SORCS1: variants seen among roughly 807,000 people sequenced by gnomAD.
SORCS1 encodes VPS10 domain-containing receptor SorCS1.
In SORCS1, 60 loss-of-function variants were observed where a neutral mutation model predicts 146.1. That is an observed-to-expected ratio of 0.41 (90% CI 0.33 to 0.51). The LOEUF (loss-of-function observed/expected upper bound fraction) is 0.51. Ranked by LOEUF, SORCS1 falls within the 20% of genes least tolerant of loss-of-function variation. The pLI is 0.21. For missense variants in SORCS1, 1,352 were observed against 1,487.6 expected, an observed-to-expected ratio of 0.91 and a Z score of 1.50; for synonymous variants, 637 against 584.0, an observed-to-expected ratio of 1.09 and a Z score of -1.31.
At chr10:107,166,951 A>T (rs1292600992), upstream of SORCS1, among the ~76,000 whole-genome samples, 1 of 152,252 alleles carries the variant, frequency 6.6e-6, no homozygotes, top group Non-Finnish European at 1.5e-5. Flanking sequence ...GAATGCTCGT[A>T]CAAGTAGAGT....
intron 1 of SORCS1, among the ~76,000 whole-genome samples, chr10:107,001,346 G>A (rs1018575938): frequency 1.2e-4 from 19 of 152,124 alleles, no homozygotes; most frequent in African/African-American, 4.1e-4. Flanking sequence ...GGAAATGTAG[G>A]ATGAGGCACG....
chr10:106,881,260 T>G (rs1038522509), intron 2 of SORCS1, among the ~76,000 whole-genome samples: 1 of 152,176 alleles, frequency 6.6e-6, no homozygotes, highest in East Asian at 1.9e-4. Flanking sequence ...ATTTTCTCCA[T>G]CTTTTTAAGT....
intron 2 of SORCS1, among the ~76,000 whole-genome samples, chr10:106,910,093 T>C (rs2138216423): frequency 6.6e-6 from 1 of 152,330 alleles, no homozygotes; most frequent in South Asian, 2.1e-4. Flanking sequence ...AGCAATTCTA[T>C]TCTCTGTGGC....
chr10:106,751,702 T>A (rs952809902), intron 5 of SORCS1, among the ~76,000 whole-genome samples: 5 of 152,188 alleles, frequency 3.3e-5, no homozygotes, highest in African/African-American at 1.2e-4. Context: ...TAGAGGGAAA[T>A]ACAGAGGTTA....
At chr10:107,169,147 G>T (rs1465457366), upstream of SORCS1, among the ~76,000 whole-genome samples, 2 of 152,008 alleles carry the variant, frequency 1.3e-5, no homozygotes, top group African/African-American at 4.8e-5. Context: ...GATTTTTGAT[G>T]GCTACTTTGG....
intron 2 of SORCS1, among the ~76,000 whole-genome samples, chr10:106,917,832 C>A (rs1952518753): frequency 6.6e-6 from 1 of 152,172 alleles, no homozygotes; most frequent in Non-Finnish European, 1.5e-5. Flanking sequence ...AGCCAAGGTA[C>A]AGAACAAATA....
Position 106,868,532 on chromosome 10 carries a change from A to C in SORCS1, c.627-38859T>G, listed in dbSNP as rs192266554. ...CACAGTGCAATAAATGTAGAAGACTAAAAAAATTGCTCAAAACCATGAAAT... is the reference window on the plus strand; with the variant it reads ...CACAGTGCAATAAATGTAGAAGACTCAAAAAATTGCTCAAAACCATGAAAT... On this transcript the variant is annotated intron_variant, in intron 2 of 25. Transcript: ENST00000263054. Among the ~76,000 whole-genome samples the C allele has an allele frequency of 8.5e-5, 13 of 152,178 alleles. No homozygotes were observed. In the East Asian group the frequency reaches 2.5e-3, roughly 29 times the overall value.
At chr10:106,664,656 A>G (rs1205570251) in intron 17 of SORCS1, among the ~76,000 whole-genome samples, 5 of 152,122 alleles carry the variant, frequency 3.3e-5, no homozygotes, top group Admixed American at 3.3e-4. Flanking sequence ...ACAAAGAGGA[A>G]AAAAAAGATC....
intron 2 of SORCS1, among the ~76,000 whole-genome samples, chr10:106,884,275 G>A (rs1194344559): frequency 1.3e-5 from 2 of 152,034 alleles, no homozygotes; most frequent in Non-Finnish European, 2.9e-5. Context: ...GCCTATTGTG[G>A]AAAAAACAAC....
intron 1 of SORCS1, among the ~76,000 whole-genome samples, chr10:107,141,588 T>C (rs1284071512): frequency 1.3e-5 from 2 of 151,544 alleles, no homozygotes; most frequent in Non-Finnish European, 2.9e-5. Flanking sequence ...CTGTTCCTAG[T>C]CTGTGTGTAT....
the SORCS1 span, among the ~76,000 whole-genome samples, chr10:107,177,471 C>T: frequency 6.6e-6 from 1 of 152,050 alleles, no homozygotes; most frequent in Non-Finnish European, 1.5e-5. Context: ...TTATGCTGTC[C>T]TTTAAAATAT....
chr10:106,805,353 T>C (rs537078658), intron 3 of SORCS1, among the ~76,000 whole-genome samples: 1 of 152,306 alleles, frequency 6.6e-6, no homozygotes, highest in East Asian at 1.9e-4. Flanking sequence ...AGGCTTGGAA[T>C]CTATTACCTT....
At chr10:106,994,063 CAAAAAAAAAAAAA>C (rs67408221) in intron 1 of SORCS1, among the ~76,000 whole-genome samples, 1 of 80,848 alleles carries the variant, frequency 1.2e-5, no homozygotes, top group Non-Finnish European at 2.3e-5. Context: ...GACCCCATCT[CAAAAAAAAAAAAA>C]AAAAAAAAAA....
intron 3 of SORCS1, among the ~76,000 whole-genome samples, chr10:106,795,110 A>T (rs571864299): frequency 6.6e-6 from 1 of 152,348 alleles, no homozygotes; most frequent in Non-Finnish European, 1.5e-5. Context: ...TCTAAGTGAA[A>T]TTAAAAGTTC....
At chr10:106,727,085 CAAAAAAA>C (rs1255567074) in intron 6 of SORCS1, among the ~76,000 whole-genome samples, 1 of 101,718 alleles carries the variant, frequency 9.8e-6, no homozygotes, top group Non-Finnish European at 2.1e-5. Context: ...GACTCTGTCT[CAAAAAAA>C]AAAAAAAAGA....
intron 24 of SORCS1, among the ~76,000 whole-genome samples, chr10:106,590,736 C>A (rs927341199): frequency 4.6e-5 from 7 of 152,168 alleles, no homozygotes; most frequent in Non-Finnish European, 1.0e-4. Flanking sequence ...CTCACTGCAA[C>A]CTCTGCCTTC....
At chr10:106,945,775 A>C (rs566864296) in intron 2 of SORCS1, among the ~76,000 whole-genome samples, 1 of 152,178 alleles carries the variant, frequency 6.6e-6, no homozygotes, top group Non-Finnish European at 1.5e-5. Flanking sequence ...AAAGTGGGGA[A>C]CTCAGCAGGG....
At chr10:106,990,045 T>C (rs1956702070) in intron 1 of SORCS1, among the ~76,000 whole-genome samples, 1 of 152,150 alleles carries the variant, frequency 6.6e-6, no homozygotes, top group African/African-American at 2.4e-5. Context: ...AGGTCATTTA[T>C]TGAACAGGTG....
intron 2 of SORCS1, among the ~76,000 whole-genome samples, chr10:106,912,029 C>T (rs182702030): frequency 6.6e-4 from 100 of 150,844 alleles, no homozygotes; most frequent in African/African-American, 2.3e-3. Context: ...AGGAGAATAG[C>T]GTGAACCCAA....
Sources: allele counts gnomAD v4.1 joint callset (sites outside exome capture counted in the v4.1 genomes callset), GRCh38; gene constraint gnomAD v4.1.1; transcripts MANE v1.5; gene names NCBI Gene and HGNC (gene_info 2026-07-23, HGNC 2026-07-21).